TNFRSF4: variants seen among roughly 807,000 people sequenced by gnomAD.
TNFRSF4 encodes TNF receptor superfamily member 4, also known as tumor necrosis factor receptor superfamily member 4.
A neutral mutation model predicts 29.5 loss-of-function variants in TNFRSF4; 21 were observed. The ratio of observed to expected loss-of-function variants is 0.71; its 90% CI spans 0.51 to 1.03. The LOEUF is 1.03. TNFRSF4 is among the 50% of genes least tolerant of loss of function. TNFRSF4 has a pLI of 0.00. For missense variants in TNFRSF4, 408 were observed against 387.8 expected, an observed-to-expected ratio of 1.05 and a Z score of -0.44; for synonymous variants, 197 against 172.7, an observed-to-expected ratio of 1.14 and a Z score of -1.10.
In TNFRSF4 at chr1:1,213,660, C is replaced by A; in HGVS notation, c.268+3G>T. On this transcript the variant is annotated splice_donor_region_variant and intron_variant, in intron 2 of 6. Coordinates refer to ENST00000379236, the MANE Select transcript of TNFRSF4 (RefSeq NM_003327.4). ...GGGGCTGTGGGGCCAGGTGGGAGCT[C>A]ACTGAGGTTACACCACGTGCAGGGC... is the stretch of plus-strand genomic sequence containing the variant. 6.3e-7 allele frequency: 1 copy of A among 1,586,726 alleles called. No individual in the cohort carries two copies. Among genetic ancestry groups the A allele is most frequent in the East Asian group, 2.3e-5 (1 of 43,582 alleles).
chr1:1,214,093 G>A lies in TNFRSF4; in HGVS notation c.35C>T (p.Pro12Leu), dbSNP rs771462465. The change falls in exon 1 of 7, where the codon CCG becomes CTG. Residue 12 changes from proline to leucine, a missense_variant. Pro to Leu is a moderately conservative substitution (Grantham distance 98, BLOSUM62 -3). Transcript: ENST00000379236. This position sits in a 1 kb window ranked among gnomAD's most constrained non-coding sequence, Gnocchi z 4.2. ...GCCCAGGAGGAGCAGAGCCGCACAC[G>A]GCCCGCGGCCCAGCCGCCGAGCCCC... The part of the protein sequence containing the change: ...CVGARRLGRG[P>L]CAALLLLGLG... The A allele has an allele frequency of 1.8e-5, 28 of 1,586,800 alleles. No individual in the cohort carries two copies. The highest frequency in any genetic ancestry group is 2.7e-5 in the African/African-American group (2 of 74,546).
intron 1 of TNFRSF4, 85 bp from the exon 2 acceptor site, chr1:1,213,870 G>C: frequency 8.8e-6 from 13 of 1,469,616 alleles, no homozygotes; most frequent in Non-Finnish European, 1.1e-5. Flanking sequence ...TGCCAGGCTT[G>C]GCCGGCCCCT....
intron 3 of TNFRSF4, 66 bp from the exon 4 acceptor site, chr1:1,212,770 G>A (rs1462016501): frequency 2.2e-6 from 3 of 1,383,840 alleles, no homozygotes; most frequent in African/African-American, 1.5e-5. Flanking sequence ...ATGGGGCAGA[G>A]CCTGTGGGGC....
Position 1,213,184 on chromosome 1 carries a change from C to A in TNFRSF4, c.269-91G>T, listed in dbSNP as rs755526773. ...GGCACTGGAGGACAGGTTGGCCTCC[C>A]CACCACACAGAGGGCCGTGGGCAGG... On this transcript the variant is annotated intron_variant, in intron 2 of 6. Transcript: ENST00000379236. 5.2e-6 allele frequency: 8 copies of A among 1,538,176 alleles called. No homozygotes were observed. In the African/African-American group the frequency reaches 1.1e-4, roughly 21 times the overall value.
At position 1,212,673 on chromosome 1, in the gene TNFRSF4, G is replaced by A. The variant is rs2100952931; in HGVS notation, c.402C>T (p.Ser134=). 1 of 1,547,046 alleles carries A rather than the reference G, an allele frequency of 6.5e-7. No homozygotes were observed. Among genetic ancestry groups the A allele is most frequent in the East Asian group, 2.5e-5 (1 of 40,332 alleles). Residue 134 remains serine, a synonymous_variant, in exon 4 of 7, where the codon TCC becomes TCT. Transcript: ENST00000379236. ...DCAPCPPGHF[S]PGDNQACKPW... ...GCTTGCAGGCCTGGTTGTCGCCTGG[G>A]GAGAAGTGCCCTGGAGGGCAGGGGG...
At position 1,212,046 on chromosome 1, in the gene TNFRSF4, T is replaced by C. The variant is rs1316831731; in HGVS notation, c.530A>G (p.Gln177Arg). ...EDRDPPATQPQETQGPPARPI... is the reference protein window; with the variant it reads ...EDRDPPATQPRETQGPPARPI... ...CCTGGCCGGGGGGCCCTGGGTCTCCTGGGGCTGCGTGGCTGGGGGGTCCCT... is the reference window on the plus strand; with the variant it reads ...CCTGGCCGGGGGGCCCTGGGTCTCCCGGGGCTGCGTGGCTGGGGGGTCCCT... Residue 177 changes from glutamine to arginine, a missense_variant, in exon 5 of 7, where the codon CAG becomes CGG. Transcript: ENST00000379236. The C allele has an allele frequency of 3.1e-6, 5 of 1,611,608 alleles. No individual in the cohort carries two copies. The African/African-American group carries it at 4.0e-5, about 13-fold the overall frequency.
In TNFRSF4 at chr1:1,211,567, C is replaced by T. The variant is rs1403848680; in HGVS notation, c.822G>A (p.Leu274=). Residue 274 remains leucine (L), a synonymous_variant, in exon 7 of 7, where the codon CTG becomes CTA. Coordinates refer to ENST00000379236, the MANE Select transcript of TNFRSF4 (RefSeq NM_003327.4). ...QEEQADAHST[L]AKI ...TGGTGGGCCCAGGTCAGATCTTGGC[C>T]AGGGTGGAGTGGGCGTCGGCCTGCT... is the stretch of plus-strand genomic sequence containing the variant. The T allele has an allele frequency of 2.0e-6, 3 of 1,508,082 alleles. No individual in the cohort carries two copies. The highest frequency in any genetic ancestry group is 2.7e-6 in the Non-Finnish European group (3 of 1,129,706). 93.4% of individuals were successfully genotyped at this position (1,508,082 alleles called of 1,614,324 possible).
chr1:1,213,425 C>A, intron 2 of TNFRSF4: 1 of 1,531,098 alleles, frequency 6.5e-7, no homozygotes, highest in Non-Finnish European at 8.8e-7. Flanking sequence ...GGCCACATGG[C>A]CAGCGTGGTC....
At chr1:1,213,130 G>T (rs1333739314) in intron 2 of TNFRSF4, 37 bp from the exon 3 acceptor site, 1 of 1,582,922 alleles carries the variant, frequency 6.3e-7, no homozygotes, top group Non-Finnish European at 8.6e-7. Context: ...GTCAGGTGGG[G>T]GCTGTGGACA....
At chr1:1,212,237 C>T (rs1157317255) in intron 4 of TNFRSF4, 99 bp from the exon 5 acceptor site, 1 of 1,337,114 alleles carries the variant, frequency 7.5e-7, no homozygotes, top group Non-Finnish European at 1.0e-6. Context: ...CCACAGGCAG[C>T]ATCTACCACA....
In TNFRSF4 at chr1:1,213,669, T is replaced by C. The variant is rs1649313437; in HGVS notation, c.262A>G (p.Asn88Asp). The C allele has an allele frequency of 2.5e-6, 4 of 1,591,290 alleles. No individual in the cohort carries two copies. The highest frequency in any genetic ancestry group is 3.4e-6 in the Non-Finnish European group (4 of 1,169,840). The part of the protein sequence containing the change: ...SKPCKPCTWC[N>D]LRSGSERKQL... ...GGGCCAGGTGGGAGCTCACTGAGGTTACACCACGTGCAGGGCTTGCACGGC... is the reference window on the plus strand; with the variant it reads ...GGGCCAGGTGGGAGCTCACTGAGGTCACACCACGTGCAGGGCTTGCACGGC... Residue 88 changes from asparagine to aspartate, a missense_variant, in exon 2 of 7, where the codon AAC (asparagine) becomes GAC (aspartate). Asn to Asp is a conservative substitution (Grantham distance 23). Transcript: ENST00000379236.
intron 2 of TNFRSF4, 122 bp from the exon 3 acceptor site, chr1:1,213,215 GCGGCCTC>G: frequency 3.9e-6 from 6 of 1,535,380 alleles, no homozygotes; most frequent in Non-Finnish European, 5.2e-6. Context: ...GCAGGGGTCT[GCGGCCTC>G]CCCTGAGACT....
At chr1:1,212,776 G>A in intron 3 of TNFRSF4, 72 bp from the exon 4 acceptor site, 1 of 1,362,174 alleles carries the variant, frequency 7.3e-7, no homozygotes, top group South Asian at 1.4e-5. Context: ...CAGAGCCTGT[G>A]GGGCAGGCAC....
Position 1,214,071 on chromosome 1 carries a change from C to T in TNFRSF4, c.57G>A (p.Leu19=). The change falls in exon 1 of 7, where the codon CTG becomes CTA. Residue 19 remains leucine, a synonymous_variant. Coordinates refer to ENST00000379236, the MANE Select transcript of TNFRSF4 (RefSeq NM_003327.4). This position sits in a 1 kb window ranked among gnomAD's most constrained non-coding sequence, Gnocchi z 4.2. The part of the protein sequence containing the change: ...GRGPCAALLL[L]GLGLSTVTGL... ...CCGTCACGGTGCTCAGCCCCAGGCC[C>T]AGGAGGAGCAGAGCCGCACACGGCC... The T allele has an allele frequency of 6.3e-7, 1 of 1,594,006 alleles. No individual in the cohort carries two copies.
chr1:1,214,071 CAGG>C lies in TNFRSF4; in HGVS notation c.54_56del (p.Leu19del), dbSNP rs753725739. ...CCGTCACGGTGCTCAGCCCCAGGCC[CAGG>C]AGGAGCAGAGCCGCACACGGCCCGC... On this transcript the variant is annotated inframe_deletion, in exon 1 of 7. Transcript: ENST00000379236. The surrounding 1 kb of genome is among the most constrained non-coding windows in gnomAD (Gnocchi z 4.2). 6.3e-7 allele frequency: 1 copy of C among 1,594,006 alleles called. No homozygotes were observed. Among genetic ancestry groups the C allele is most frequent in the Non-Finnish European group, 8.5e-7 (1 of 1,173,820 alleles).
intron 2 of TNFRSF4, 94 bp from the exon 3 acceptor site, chr1:1,213,187 CCA>C (rs1465852078): frequency 6.5e-7 from 1 of 1,537,868 alleles, no homozygotes; most frequent in South Asian, 1.2e-5. Context: ...GGCCTCCCCA[CCA>C]CACAGAGGGC....
At position 1,213,353 on chromosome 1, in the gene TNFRSF4, C is replaced by T. The variant is rs547947258; in HGVS notation, c.269-260G>A. 61 of 1,531,356 alleles carry T rather than the reference C, an allele frequency of 4.0e-5. No individual in the cohort carries two copies. The Admixed American group carries it at 6.9e-4, about 17-fold the overall frequency. 94.9% of individuals were successfully genotyped at this position (1,531,356 alleles called of 1,614,324 possible). A position where few individuals can be genotyped will look rare whatever the true frequency, so the allele number is the denominator to read the frequency against. On this transcript the variant is annotated intron_variant, in intron 2 of 6. Transcript: ENST00000379236. The stretch of plus-strand genomic sequence containing the variant: ...CTCCACCGCCTCCAGCCGCCAGCCC[C>T]GCCTGCGGCAGGGTCTCCATGGCCC...
rs1649152846 is a variant in TNFRSF4, at chr1:1,212,010, A to C, written c.566T>G (p.Val189Gly). 6.2e-7 allele frequency: 1 copy of C among 1,609,618 alleles called. No homozygotes were observed. The highest frequency in any genetic ancestry group is 1.1e-5 in the South Asian group (1 of 90,606). Reference protein sequence around the residue: ...TQGPPARPITVQPTEAWPRTS... With the variant: ...TQGPPARPITGQPTEAWPRTS... ...TCTGGGCCAGGCTTCAGTGGGCTGG[A>C]CAGTGATGGGCCTGGCCGGGGGGCC... The change falls in exon 5 of 7, where the codon GTC (valine) becomes GGC (glycine). Residue 189 changes from valine (V) to glycine (G), a missense_variant. Val to Gly is a moderately radical substitution (Grantham distance 109, BLOSUM62 -3). Transcript: ENST00000379236.
Position 1,213,752 on chromosome 1 carries a change from T to C in TNFRSF4, c.179A>G (p.Gln60Arg), listed in dbSNP as rs1475763884. Residue 60 changes from glutamine (Q) to arginine (R), a missense_variant, in exon 2 of 7, where the codon CAG becomes CGG. Coordinates refer to ENST00000379236, the MANE Select transcript of TNFRSF4 (RefSeq NM_003327.4). ...CCCGCACGGACGGCACACCGTGTTC[T>C]GGGAGCGGCTGCAGCGGCTCACCAT... is the stretch of plus-strand genomic sequence containing the variant. ...NGMVSRCSRS[Q>R]NTVCRPCGPG... 1.9e-6 allele frequency: 3 copies of C among 1,602,806 alleles called. No homozygotes were observed. Among genetic ancestry groups the C allele is most frequent in the African/African-American group, 1.3e-5 (1 of 74,814 alleles).
Sources: allele counts gnomAD v4.1 joint callset, GRCh38; gene constraint gnomAD v4.1.1; non-coding constraint Gnocchi (gnomAD v3.1); transcripts MANE v1.5; gene names NCBI Gene and HGNC (gene_info 2026-07-23, HGNC 2026-07-21).